Variants in NEK1 observed in about 807,000 individuals in gnomAD.
NEK1 encodes NIMA related kinase 1, also known as serine/threonine-protein kinase Nek1.
Under a neutral mutation model 182.1 loss-of-function variants are expected in NEK1, and 137 were observed. The ratio of observed to expected loss-of-function variants is 0.75; its 90% CI spans 0.65 to 0.87. The LOEUF (loss-of-function observed/expected upper bound fraction) is 0.87, where lower values mean the gene tolerates loss of function less well. Among genes scored for constraint, NEK1 ranks in the 40% least tolerant of loss-of-function variants. The probability of loss-of-function intolerance (pLI) is 0.00; values close to 1 mark genes in which losing one functional copy is unlikely to be tolerated. For missense variants in NEK1, 1,391 were observed against 1,494.4 expected, an observed-to-expected ratio of 0.93 and a Z score of 1.14; for synonymous variants, 513 against 492.2, an observed-to-expected ratio of 1.04 and a Z score of -0.56.
chr4:169,553,630 T>C (rs1482269671), intron 18 of NEK1, among the ~76,000 whole-genome samples: 1 of 152,096 alleles, frequency 6.6e-6, no homozygotes, highest in African/African-American at 2.4e-5. Context: ...GACTGTTAAA[T>C]AAAATATACA....
rs534492841 is a variant in NEK1, at chr4:169,577,014, C to A, written c.934G>T (p.Ala312Ser). 6 of 1,613,500 alleles carry A rather than the reference C, an allele frequency of 3.7e-6. 1 individual carries two copies. In the South Asian group the frequency reaches 6.6e-5, roughly 18 times the overall value. Residue 312 changes from alanine (A) to serine (S), a missense_variant, in exon 12 of 36, where the codon GCC (alanine) becomes TCC (serine). By Grantham distance (99) the Ala-to-Ser change is moderately conservative. Around this residue, in one of 5 missense-constraint regions of NEK1, gnomAD observed 1,216 missense variants for 1,277.6 expected, o/e 0.95. Coordinates refer to ENST00000507142, the MANE Select transcript of NEK1 (RefSeq NM_001199397.3). ...GCTAAAGGTATTCCATATTTAGCGG[C>A]AGGCTTTGTAATTTTCTGAGCAGGC... ...VMPAQKITKP[A>S]AKYGIPLAYK...
chr4:169,449,738 C>A (rs1741333940), intron 27 of NEK1, among the ~76,000 whole-genome samples: 1 of 152,184 alleles, frequency 6.6e-6, no homozygotes, highest in South Asian at 2.1e-4. Context: ...AGCAGAAAAG[C>A]TGAATATTCT....
chr4:169,462,413 TGTTTTCTCC>T (rs892448871), intron 27 of NEK1, among the ~76,000 whole-genome samples: 1 of 152,176 alleles, frequency 6.6e-6, no homozygotes, highest in Non-Finnish European at 1.5e-5. Context: ...CAATTCAAAT[TGTTTTCTCC>T]CTTTAATATT....
intron 26 of NEK1, among the ~76,000 whole-genome samples, chr4:169,466,467 C>CTT (rs5863997): frequency 0.84 from 127,213 of 151,810 alleles, 53,804 homozygotes; most frequent in East Asian, 0.96. Flanking sequence ...TAACAGAAGA[C>CTT]CTCATCACAA....
Position 169,562,147 on chromosome 4 carries a change from T to G in NEK1, c.1070A>C (p.Lys357Thr). Residue 357 changes from lysine to threonine, a missense_variant, in exon 13 of 36, where the codon AAA becomes ACA. Lys to Thr is a moderately conservative substitution (Grantham distance 78). Transcript: ENST00000507142. Reference sequence around the variant, plus strand: ...CAGATGTCTTTATACCTCAGATATTTTCCTCCTTTCTTCTCCAGTATTCAC... The same window carrying G: ...CAGATGTCTTTATACCTCAGATATTGTCCTCCTTTCTTCTCCAGTATTCAC... Reference protein sequence around the residue: ...KRVNTGEERRKISEEAARKRR... With the variant: ...KRVNTGEERRTISEEAARKRR... 1 of 1,542,636 alleles carries G rather than the reference T, an allele frequency of 6.5e-7. No individual in the cohort carries two copies. Among genetic ancestry groups the G allele is most frequent in the Non-Finnish European group, 8.8e-7 (1 of 1,140,328 alleles).
rs760656122 is a variant in NEK1 at position 169,477,425 on chromosome 4, T to C, written c.2205+7A>G. ...AATGATTGATAAACTTTGAAAATTT[T>C]ACTTACTGAAATAGCATTGTTGGTC... is the stretch of plus-strand genomic sequence containing the variant. On this transcript the variant is annotated splice_region_variant and intron_variant, in intron 25 of 35. Coordinates refer to ENST00000507142, the MANE Select transcript of NEK1 (RefSeq NM_001199397.3). 8 of 1,599,076 alleles carry C rather than the reference T, an allele frequency of 5.0e-6. No homozygotes were observed. The African/African-American group carries it at 8.1e-5, about 16-fold the overall frequency.
At chr4:169,459,355 T>G (rs1355535764) in intron 27 of NEK1, among the ~76,000 whole-genome samples, 1 of 152,058 alleles carries the variant, frequency 6.6e-6, no homozygotes. Context: ...ACACAGCAAC[T>G]AAAATAACCA....
chr4:169,561,992 G>GT (rs34452581), intron 13 of NEK1, 101 bp from the exon 14 acceptor site: 255 of 923,648 alleles, frequency 2.8e-4, no homozygotes, highest in African/African-American at 1.2e-3. Context: ...GTTCAATGAG[G>GT]TTTTTTTTTT....
intron 23 of NEK1, among the ~76,000 whole-genome samples, chr4:169,488,024 GT>G (rs1402593704): frequency 6.6e-6 from 1 of 151,640 alleles, no homozygotes; most frequent in African/African-American, 2.4e-5. Context: ...GGACATTTTT[GT>G]TTTTTTCTTG....
intron 16 of NEK1, among the ~76,000 whole-genome samples, chr4:169,559,357 T>C: frequency 6.6e-6 from 1 of 152,228 alleles, no homozygotes; most frequent in East Asian, 1.9e-4. Context: ...TATTTTAGAA[T>C]GGACCAGATT....
intron 23 of NEK1, among the ~76,000 whole-genome samples, chr4:169,494,926 C>T (rs1750874213): frequency 6.6e-6 from 1 of 152,198 alleles, no homozygotes; most frequent in South Asian, 2.1e-4. Flanking sequence ...ATATCCTTCG[C>T]CCACTTTGTG....
intron 31 of NEK1, among the ~76,000 whole-genome samples, chr4:169,420,390 GCAGT>G (rs1320098426): frequency 6.6e-6 from 1 of 152,190 alleles, no homozygotes; most frequent in Admixed American, 6.5e-5. Context: ...AACCAGGCAT[GCAGT>G]CAATTATTAT....
chr4:169,607,922 G>A (rs1021746590), intron 2 of NEK1, among the ~76,000 whole-genome samples: 11 of 152,062 alleles, frequency 7.2e-5, no homozygotes, highest in Non-Finnish European at 1.5e-4. Flanking sequence ...AAAAAACTGA[G>A]AGAAAAATAT....
intron 10 of NEK1, among the ~76,000 whole-genome samples, chr4:169,584,136 T>C (rs192825855): frequency 2.4e-4 from 36 of 152,336 alleles, no homozygotes; most frequent in African/African-American, 8.7e-4. Flanking sequence ...ATTGATTTGA[T>C]ATAGATTGCT....
At chr4:169,478,125 C>T (rs1023004842) in intron 24 of NEK1, among the ~76,000 whole-genome samples, 16 of 151,666 alleles carry the variant, frequency 1.1e-4, no homozygotes, top group East Asian at 9.6e-4. Context: ...AAAAAACATA[C>T]GAAAAGAAGA....
At chr4:169,572,588 A>G (rs1174232660) in intron 12 of NEK1, among the ~76,000 whole-genome samples, 1 of 152,174 alleles carries the variant, frequency 6.6e-6, no homozygotes, top group Non-Finnish European at 1.5e-5. Context: ...GTATGGATAC[A>G]AAAAAGAAGA....
chr4:169,564,235 T>C (rs1411649889), intron 12 of NEK1, among the ~76,000 whole-genome samples: 2 of 152,164 alleles, frequency 1.3e-5, no homozygotes, highest in Non-Finnish European at 2.9e-5. Flanking sequence ...TTAAAAAGCA[T>C]ACTGTACAAT....
At chr4:169,425,647 T>C (rs1315680220) in intron 30 of NEK1, among the ~76,000 whole-genome samples, 1 of 151,950 alleles carries the variant, frequency 6.6e-6, no homozygotes. Flanking sequence ...GTCTCCTGAG[T>C]AGATGAGACT....
At chr4:169,440,699 C>G (rs1292541055) in intron 27 of NEK1, among the ~76,000 whole-genome samples, 1 of 152,162 alleles carries the variant, frequency 6.6e-6, no homozygotes, top group Non-Finnish European at 1.5e-5. Flanking sequence ...GATTGACCTG[C>G]CTGAATGCAG....
Sources: gnomAD v4.1 joint callset for allele counts (sites outside exome capture counted in the v4.1 genomes callset) on GRCh38, gnomAD v4.1.1 for gene constraint, gnomAD v4.1.1 regional missense constraint, MANE v1.5 for transcripts, NCBI Gene and HGNC (gene_info 2026-07-23, HGNC 2026-07-21) for gene names.